The following RFX4 variants were observed in gnomAD, a reference collection of about 807,000 sequenced individuals.
RFX4 encodes the protein regulatory factor X4.
In RFX4, 10 loss-of-function variants were observed where a neutral mutation model predicts 95.0. That is an observed-to-expected ratio of 0.11 (90% confidence interval 0.06 to 0.18). RFX4 has a LOEUF of 0.18. Ranked by LOEUF, RFX4 falls within the 10% of genes least tolerant of loss-of-function variation. The pLI is 1.00. For synonymous variants in RFX4, 321 were observed against 340.7 expected (o/e 0.94, Z 0.64); for missense variants, 640 against 922.0 (o/e 0.69, Z 3.96).
At chr12:106,757,096 G>A (rs562551103) in intron 17 of RFX4, among the ~76,000 whole-genome samples, 2 of 152,320 alleles carry the variant, frequency 1.3e-5, no homozygotes, top group Middle Eastern at 3.4e-3. Context: ...CAGATGGTCA[G>A]TCACTAAGGC....
chr12:106,611,735 A>G (rs1301898633), intron 2 of RFX4, among the ~76,000 whole-genome samples: 2 of 151,296 alleles, frequency 1.3e-5, no homozygotes, highest in Admixed American at 6.6e-5. Context: ...TTGGTCTCAA[A>G]CTCCTGACCT....
intron 4 of RFX4, among the ~76,000 whole-genome samples, chr12:106,658,331 C>T (rs1308406005): frequency 1.3e-5 from 2 of 152,116 alleles, no homozygotes; most frequent in South Asian, 2.1e-4. Context: ...TTTGAAGAAT[C>T]GCCTTCAAAG....
intron 13 of RFX4, among the ~76,000 whole-genome samples, chr12:106,731,175 C>A (rs1234506435): frequency 1.3e-5 from 2 of 152,284 alleles, no homozygotes; most frequent in African/African-American, 4.8e-5. Context: ...AAAGGCTTGG[C>A]CCCTCTCTCT....
At position 106,604,368 on chromosome 12, in the gene RFX4, C is replaced by T. The variant is rs544176629; in HGVS notation, c.44-4429C>T. On this transcript the variant is annotated intron_variant, in intron 1 of 17. Coordinates refer to ENST00000392842, the MANE Select transcript of RFX4 (RefSeq NM_213594.3). ...AACTCCTGACCTCCGGTGATCAGCCCGCCTCAGCCTCCCAAAGTGCTGGGA... is the reference window on the plus strand; with the variant it reads ...AACTCCTGACCTCCGGTGATCAGCCTGCCTCAGCCTCCCAAAGTGCTGGGA... 1.4e-4 allele frequency among the ~76,000 whole-genome samples: 22 copies of T among 151,742 alleles called. 1 individual carries two copies. Among genetic ancestry groups the T allele is most frequent in the Admixed American group, 1.4e-3 (21 of 15,230 alleles).
rs114615468 is a variant in RFX4 at position 106,646,335 on chromosome 12, C to T, written c.191+6943C>T. Among the ~76,000 whole-genome samples the T allele has an allele frequency of 6.6e-3, 985 of 149,524 alleles. 11 individuals are homozygous for T. The highest frequency in any genetic ancestry group is 0.023 in the African/African-American group (914 of 40,578). On this transcript the variant is annotated intron_variant, in intron 3 of 17. Transcript: ENST00000392842. ...CAGCTACTGTCCAGGACAACCAGAG[C>T]TCTGGGCTGCAAACCTGTAGCCTAG...
rs1057049278 is a variant in RFX4, at chr12:106,762,042, C to T, written c.*573C>T. On this transcript the variant is annotated 3_prime_UTR_variant, in exon 18 of 18. Coordinates refer to ENST00000392842, the MANE Select transcript of RFX4 (RefSeq NM_213594.3). ...GGCTAAATGGGGAGCTATCTGGAAA[C>T]TCTAGATTTTCTGTCATACCCACAT... The T allele has an allele frequency of 9.8e-5, 15 of 152,712 alleles. No individual in the cohort carries two copies. Among genetic ancestry groups the T allele is most frequent in the African/African-American group, 3.6e-4 (15 of 41,450 alleles). The allele number at this position is 152,712 out of a possible 1,614,324, so 9.5% of individuals were successfully genotyped here. A position where few individuals can be genotyped will look rare whatever the true frequency, so the allele number is the denominator to read the frequency against.
intron 17 of RFX4, among the ~76,000 whole-genome samples, chr12:106,760,970 G>A (rs551429041): frequency 6.6e-6 from 1 of 152,150 alleles, no homozygotes; most frequent in African/African-American, 2.4e-5. Context: ...CAGTATAACC[G>A]CATGAGTAAA....
At chr12:106,598,571 C>T (rs2039652810) in intron 1 of RFX4, among the ~76,000 whole-genome samples, 1 of 152,100 alleles carries the variant, frequency 6.6e-6, no homozygotes, top group Non-Finnish European at 1.5e-5. Context: ...CTGCAGTAGA[C>T]TTACAGGAAA....
At chr12:106,639,278 AC>A in intron 2 of RFX4, 53 bp from the exon 3 acceptor site, 1 of 1,487,744 alleles carries the variant, frequency 6.7e-7, no homozygotes. Flanking sequence ...GAGGACTTTT[AC>A]TTTTTCCTAC....
At chr12:106,666,853 G>C (rs759158479) in intron 4 of RFX4, among the ~76,000 whole-genome samples, 3 of 152,158 alleles carry the variant, frequency 2.0e-5, no homozygotes, top group Non-Finnish European at 4.4e-5. Context: ...ATTGATCACA[G>C]TTGTTTTAAA....
At chr12:106,702,003 A>C (rs184366169) in intron 8 of RFX4, among the ~76,000 whole-genome samples, 1 of 152,254 alleles carries the variant, frequency 6.6e-6, no homozygotes, top group Admixed American at 6.5e-5. Flanking sequence ...CCCTGTCTCT[A>C]ATAATAATTA....
intron 9 of RFX4, 76 bp downstream of exon 9, chr12:106,709,506 A>G: frequency 9.0e-7 from 1 of 1,113,004 alleles, no homozygotes; most frequent in Non-Finnish European, 1.3e-6. Flanking sequence ...AGTTGTTAAT[A>G]GTAGCAGCAG....
intron 2 of RFX4, among the ~76,000 whole-genome samples, chr12:106,618,904 C>A (rs969864018): frequency 3.3e-5 from 5 of 152,030 alleles, no homozygotes; most frequent in African/African-American, 1.2e-4. Context: ...ATTATACATT[C>A]TTTTAGAGTG....
At chr12:106,702,015 T>G (rs1208754238) in intron 8 of RFX4, among the ~76,000 whole-genome samples, 1 of 152,062 alleles carries the variant, frequency 6.6e-6, no homozygotes, top group African/African-American at 2.4e-5. Context: ...TAATAATTAT[T>G]ATCACATTTA....
intron 4 of RFX4, among the ~76,000 whole-genome samples, chr12:106,681,504 C>T (rs1443842949): frequency 6.6e-6 from 1 of 152,160 alleles, no homozygotes; most frequent in East Asian, 1.9e-4. Flanking sequence ...GGGTGCAGTA[C>T]AAAGGCCCCC....
intron 4 of RFX4, chr12:106,662,192 A>G (rs1486503223): frequency 4.8e-6 from 2 of 414,432 alleles, no homozygotes; most frequent in Admixed American, 2.6e-5. Flanking sequence ...AATAAATGAG[A>G]GTTCCTGTTG....
intron 7 of RFX4, among the ~76,000 whole-genome samples, chr12:106,691,925 G>A (rs559967200): frequency 2.0e-5 from 3 of 152,272 alleles, no homozygotes; most frequent in Admixed American, 6.5e-5. Flanking sequence ...TTGGGAGGCC[G>A]AGGTGGGCAG....
intron 2 of RFX4, among the ~76,000 whole-genome samples, chr12:106,623,474 T>A (rs1039358835): frequency 6.6e-6 from 1 of 152,212 alleles, no homozygotes; most frequent in African/African-American, 2.4e-5. Context: ...GTGATTGATC[T>A]GGAGTGTCAA....
intron 17 of RFX4, among the ~76,000 whole-genome samples, chr12:106,752,069 A>G (rs1301275407): frequency 6.7e-5 from 10 of 148,806 alleles, no homozygotes; most frequent in Non-Finnish European, 8.9e-5. Context: ...TTATGGTTTT[A>G]GGTCTAACGT....
Sources: gnomAD v4.1 joint callset for allele counts (sites outside exome capture counted in the v4.1 genomes callset) on GRCh38, gnomAD v4.1.1 for gene constraint, MANE v1.5 for transcripts, NCBI Gene and HGNC (gene_info 2026-07-23, HGNC 2026-07-21) for gene names.